Variants in NCKAP5 observed in about 807,000 individuals in gnomAD.
NCKAP5 encodes nck-associated protein 5.
A neutral mutation model predicts 167.0 loss-of-function variants in NCKAP5; 92 were observed. The observed-to-expected ratio is 0.55, with a 90% CI of 0.47 to 0.66. The LOEUF is 0.66. Among genes scored for constraint, NCKAP5 ranks in the 30% least tolerant of loss-of-function variants. The pLI is 0.00. For missense variants in NCKAP5, 2,378 were observed against 2,315.0 expected, an observed-to-expected ratio of 1.03 and a Z score of -0.56; for synonymous variants, 891 against 877.4, an observed-to-expected ratio of 1.02 and a Z score of -0.27.
intron 3 of NCKAP5, among the ~76,000 whole-genome samples, chr2:133,374,178 C>G (rs1685987106): frequency 2.0e-5 from 3 of 152,142 alleles, no homozygotes; most frequent in Non-Finnish European, 4.4e-5. Context: ...TTCAGCACTA[C>G]AAATAAATGG....
At chr2:133,523,555 G>A (rs1684642503) in intron 2 of NCKAP5, among the ~76,000 whole-genome samples, 1 of 152,214 alleles carries the variant, frequency 6.6e-6, no homozygotes, top group Non-Finnish European at 1.5e-5. Context: ...TAACTTCTCT[G>A]AGTTTACATT....
At chr2:133,065,364 T>C (rs188831239) in intron 6 of NCKAP5, among the ~76,000 whole-genome samples, 378 of 152,344 alleles carry the variant, frequency 2.5e-3, no homozygotes, top group African/African-American at 8.7e-3. Context: ...TGGTGGCTTA[T>C]GCCTATAATC....
At chr2:133,232,336 C>T (rs1415205781) in intron 4 of NCKAP5, among the ~76,000 whole-genome samples, 1 of 152,022 alleles carries the variant, frequency 6.6e-6, no homozygotes, top group East Asian at 1.9e-4. Flanking sequence ...TAAGTCACAA[C>T]AAAGAATGGA....
chr2:132,911,154 C>A, intron 8 of NCKAP5: 1 of 214,334 alleles, frequency 4.7e-6, no homozygotes. Flanking sequence ...GGGCCTGACC[C>A]ACTCAGCCAA....
At chr2:133,583,944 C>T in the NCKAP5 span, among the ~76,000 whole-genome samples, 2 of 152,038 alleles carry the variant, frequency 1.3e-5, no homozygotes, top group African/African-American at 2.4e-5. Flanking sequence ...TTAGTAGAGA[C>T]GGGGTTTCAC....
intron 6 of NCKAP5, among the ~76,000 whole-genome samples, chr2:133,060,274 T>C (rs541370573): frequency 1.3e-5 from 2 of 152,298 alleles, no homozygotes; most frequent in African/African-American, 4.8e-5. Context: ...AAGTAGCAGG[T>C]GTGAAATGTG....
chr2:133,567,581 G>A (rs1688641195), intron 1 of NCKAP5, among the ~76,000 whole-genome samples: 1 of 151,904 alleles, frequency 6.6e-6, no homozygotes. Flanking sequence ...TACTCAATGT[G>A]AAAAGAATCC....
At chr2:133,491,830 G>C (rs1681473672) in intron 3 of NCKAP5, among the ~76,000 whole-genome samples, 1 of 152,226 alleles carries the variant, frequency 6.6e-6, no homozygotes, top group African/African-American at 2.4e-5. Context: ...GTTAGGTCAG[G>C]AGTTCAGCAT....
At chr2:133,384,597 G>T (rs368714817) in intron 3 of NCKAP5, among the ~76,000 whole-genome samples, 15 of 152,148 alleles carry the variant, frequency 9.9e-5, no homozygotes, top group African/African-American at 1.9e-4. Flanking sequence ...GTGAAGAAAG[G>T]CATTGGTAGC....
intron 8 of NCKAP5, chr2:132,954,802 T>C (rs766261877): frequency 1.7e-5 from 7 of 417,806 alleles, no homozygotes; most frequent in South Asian, 1.0e-4. Context: ...TTTCCAATTT[T>C]CTGTAATGTG....
rs572164504 is a variant in NCKAP5, at chr2:132,715,632, T to A, written c.5713+9995A>T. On this transcript the variant is annotated intron_variant, in intron 19 of 19. Transcript: ENST00000409261. ...GCCGAAATACTAATAAGAGACTTAA[T>A]GTGTAGCAGCCTCGAATAATCTGTG... Among the ~76,000 whole-genome samples, 18 of 152,336 alleles carry A rather than the reference T, an allele frequency of 1.2e-4. 1 individual carries two copies. Among genetic ancestry groups the A allele is most frequent in the African/African-American group, 3.6e-4 (15 of 41,590 alleles).
At chr2:133,495,082 C>T (rs1681817839) in intron 3 of NCKAP5, among the ~76,000 whole-genome samples, 1 of 152,184 alleles carries the variant, frequency 6.6e-6, no homozygotes, top group African/African-American at 2.4e-5. Flanking sequence ...CAACCAACTG[C>T]CAATCAGAAA....
intron 2 of NCKAP5, among the ~76,000 whole-genome samples, chr2:133,549,725 A>C (rs1291830689): frequency 1.5e-4 from 21 of 143,162 alleles, no homozygotes; most frequent in Non-Finnish European, 1.5e-4. Flanking sequence ...AGCTAGCAGA[A>C]GGCAAGAAAT....
intron 1 of NCKAP5, among the ~76,000 whole-genome samples, chr2:133,565,761 A>G (rs1688503437): frequency 6.6e-6 from 1 of 152,262 alleles, no homozygotes; most frequent in South Asian, 2.1e-4. Flanking sequence ...GTGAAGAAGA[A>G]TTTAAAGCCA....
intron 11 of NCKAP5, among the ~76,000 whole-genome samples, chr2:132,840,018 C>T (rs1688186483): frequency 6.6e-6 from 1 of 152,100 alleles, no homozygotes; most frequent in South Asian, 2.1e-4. Flanking sequence ...GTTTGTCTGA[C>T]ATGTGGCAGT....
intron 10 of NCKAP5, among the ~76,000 whole-genome samples, chr2:132,867,648 C>T (rs1302796709): frequency 7.2e-5 from 11 of 152,118 alleles, no homozygotes; most frequent in Non-Finnish European, 2.9e-5. Flanking sequence ...ATGACTGGAG[C>T]TAGCATAGTC....
chr2:132,952,036 T>C (rs1362896235), intron 8 of NCKAP5, among the ~76,000 whole-genome samples: 2 of 152,192 alleles, frequency 1.3e-5, no homozygotes. Flanking sequence ...AAATGCTTAA[T>C]TGGCTATAAC....
chr2:133,428,635 C>T (rs1186039710), intron 3 of NCKAP5, among the ~76,000 whole-genome samples: 1 of 152,104 alleles, frequency 6.6e-6, no homozygotes, highest in Non-Finnish European at 1.5e-5. Context: ...TTACATAACT[C>T]ATCACGTGTT....
intron 3 of NCKAP5, among the ~76,000 whole-genome samples, chr2:133,385,783 T>C (rs1470797775): frequency 6.6e-6 from 1 of 152,182 alleles, no homozygotes; most frequent in Non-Finnish European, 1.5e-5. Flanking sequence ...TGGGAGGGTG[T>C]ATGTGTCGAG....
Sources: gnomAD v4.1 joint callset for allele counts (sites outside exome capture counted in the v4.1 genomes callset) on GRCh38, gnomAD v4.1.1 for gene constraint, MANE v1.5 for transcripts, NCBI Gene and HGNC (gene_info 2026-07-23, HGNC 2026-07-21) for gene names.